SLC12A8: variants seen among roughly 807,000 people sequenced by gnomAD.
SLC12A8 encodes solute carrier family 12 member 8.
A neutral mutation model predicts 75.6 loss-of-function variants in SLC12A8; 69 were observed. That is an observed-to-expected ratio of 0.91 (90% confidence interval 0.75 to 1.11). The LOEUF (loss-of-function observed/expected upper bound fraction) is 1.11, where lower values mean the gene tolerates loss of function less well. Among genes scored for constraint, SLC12A8 ranks in the 50% most tolerant of loss-of-function variants. The pLI, the probability that SLC12A8 is intolerant of heterozygous loss-of-function variation, is 0.00. For synonymous variants in SLC12A8, 365 were observed against 372.8 expected (o/e 0.98, Z 0.24); for missense variants, 877 against 896.7 (o/e 0.98, Z 0.28).
intron 2 of SLC12A8, among the ~76,000 whole-genome samples, chr3:125,198,670 C>T (rs1336950159): frequency 6.6e-6 from 1 of 151,892 alleles, no homozygotes; most frequent in Non-Finnish European, 1.5e-5. Context: ...AACTAAGGGT[C>T]ATGTATGATC....
At position 125,165,845 on chromosome 3, in the gene SLC12A8, C is replaced by A. The variant is rs574709501; in HGVS notation, c.622+11898G>T. ...GCCAGCTGCGAGGCCCAGAGAGCAG[C>A]CAGAACATCCATGTGTTCCCTGCAT... On this transcript the variant is annotated intron_variant, in intron 5 of 13. Transcript: ENST00000469902. 1.8e-4 allele frequency among the ~76,000 whole-genome samples: 28 copies of A among 152,320 alleles called. No homozygotes were observed. The South Asian group carries it at 5.8e-3, about 32-fold the overall frequency.
rs748031942 is a variant in SLC12A8, at chr3:125,211,384, G to A, written c.-35C>T. The A allele has an allele frequency of 1.3e-6, 2 of 1,585,464 alleles. No individual in the cohort carries two copies. The highest frequency in any genetic ancestry group is 1.1e-5 in the South Asian group (1 of 90,548). ...AGCAGGGATCCTGGTGATCTGGACA[G>A]GGAGACTGCTCTGGAAGGTAACAGC... On this transcript the variant is annotated 5_prime_UTR_variant, in exon 2 of 14. Coordinates refer to ENST00000469902, the MANE Select transcript of SLC12A8 (RefSeq NM_024628.6).
rs60552957 is a variant in SLC12A8 at position 125,157,978 on chromosome 3, G to C, written c.622+19765C>G. On this transcript the variant is annotated intron_variant, in intron 5 of 13. Coordinates refer to ENST00000469902, the MANE Select transcript of SLC12A8 (RefSeq NM_024628.6). ...CTGATTAGAGTGGAGGAGAGAGGGA[G>C]ATCTAGGTGGGGAGGAGACAAAGAA... is the stretch of plus-strand genomic sequence containing the variant. Among the ~76,000 whole-genome samples, 2 of 152,014 alleles carry C rather than the reference G, an allele frequency of 1.3e-5. 1 individual carries two copies. The highest frequency in any genetic ancestry group is 2.9e-5 in the Non-Finnish European group (2 of 68,030).
chr3:125,110,723 A>G, intron 8 of SLC12A8: 1 of 164,260 alleles, frequency 6.1e-6, no homozygotes, highest in Non-Finnish European at 1.3e-5. Flanking sequence ...CACAATGCTC[A>G]TTGGCCTCTT....
chr3:125,155,625 G>GCCGGGTGTGGGAGCGGGCAC (rs538840861), intron 5 of SLC12A8, among the ~76,000 whole-genome samples: 1 of 119,586 alleles, frequency 8.4e-6, no homozygotes, highest in African/African-American at 3.0e-5. Flanking sequence ...CAAAAAAGTA[G>GCCGGGTGTGGGAGCGGGCAC]CTGTAGTCCC....
chr3:125,183,569 T>C (rs1934708991), intron 4 of SLC12A8, among the ~76,000 whole-genome samples: 1 of 152,184 alleles, frequency 6.6e-6, no homozygotes, highest in South Asian at 2.1e-4. Flanking sequence ...GTTAAAGAGT[T>C]GGTGGATTAA....
At chr3:125,143,647 G>T (rs528977605) in intron 5 of SLC12A8, among the ~76,000 whole-genome samples, 1 of 152,206 alleles carries the variant, frequency 6.6e-6, no homozygotes, top group Non-Finnish European at 1.5e-5. Flanking sequence ...GGGGAGTCCC[G>T]CCCAGCCTGC....
At chr3:125,098,511 G>A (rs1938775443) in intron 10 of SLC12A8, among the ~76,000 whole-genome samples, 1 of 146,386 alleles carries the variant, frequency 6.8e-6, no homozygotes. Context: ...TGAACCAGAG[G>A]GACTTCTAGC....
chr3:125,132,549 G>A (rs11719446), intron 6 of SLC12A8, among the ~76,000 whole-genome samples: 1 of 152,318 alleles, frequency 6.6e-6, no homozygotes, highest in South Asian at 2.1e-4. Context: ...ACTGGCATAA[G>A]CATTTGGCTG....
chr3:125,123,357 G>A (rs1205778303), intron 6 of SLC12A8, among the ~76,000 whole-genome samples: 2 of 123,490 alleles, frequency 1.6e-5, no homozygotes, highest in Admixed American at 9.7e-5. Flanking sequence ...CTGGGTGACA[G>A]AGATCCATCT....
intron 10 of SLC12A8, among the ~76,000 whole-genome samples, chr3:125,102,215 A>T (rs1268074553): frequency 6.6e-6 from 1 of 152,204 alleles, no homozygotes; most frequent in Non-Finnish European, 1.5e-5. Flanking sequence ...AAATGATGTC[A>T]GAGTTTTCCA....
chr3:125,175,711 C>A (rs1934511370), intron 5 of SLC12A8, among the ~76,000 whole-genome samples: 2 of 151,338 alleles, frequency 1.3e-5, no homozygotes, highest in Admixed American at 1.3e-4. Context: ...GCCAGCAAGT[C>A]TCCCTCCATA....
intron 6 of SLC12A8, among the ~76,000 whole-genome samples, chr3:125,124,334 A>AT (rs1162064184): frequency 2.5e-4 from 37 of 150,044 alleles, no homozygotes; most frequent in Middle Eastern, 3.4e-3. Context: ...GTTTGTTTGG[A>AT]TTTTTTTTTT....
chr3:125,127,100 C>T (rs1890407), intron 6 of SLC12A8, among the ~76,000 whole-genome samples: 19,208 of 152,170 alleles, frequency 0.13, 1,549 homozygotes, highest in Admixed American at 0.17. Flanking sequence ...GGGCTCTGCT[C>T]CTTACTCAGA....
chr3:125,193,873 T>C (rs1301859575), intron 2 of SLC12A8, among the ~76,000 whole-genome samples: 2 of 152,148 alleles, frequency 1.3e-5, no homozygotes, highest in African/African-American at 4.8e-5. Flanking sequence ...AGTTCCAGGC[T>C]CTCTTGTTAA....
At chr3:125,085,107 A>G (rs1437753588) in intron 13 of SLC12A8, among the ~76,000 whole-genome samples, 1 of 152,240 alleles carries the variant, frequency 6.6e-6, no homozygotes, top group Non-Finnish European at 1.5e-5. Context: ...GAGAACATGT[A>G]TAAATCATAT....
chr3:125,098,876 TG>T (rs1288317867), intron 10 of SLC12A8, among the ~76,000 whole-genome samples: 1 of 151,944 alleles, frequency 6.6e-6, no homozygotes, highest in African/African-American at 2.4e-5. Context: ...GAAAAATGAA[TG>T]GGGAAAATCC....
At chr3:125,135,812 GC>G in intron 5 of SLC12A8, 30 bp from the exon 6 acceptor site, 1 of 1,334,286 alleles carries the variant, frequency 7.5e-7, no homozygotes, top group Non-Finnish European at 1.1e-6. Flanking sequence ...AGCAACGTAA[GC>G]CCAGTGAGAA....
intron 4 of SLC12A8, among the ~76,000 whole-genome samples, chr3:125,180,273 C>A (rs1467259517): frequency 1.3e-5 from 2 of 152,122 alleles, no homozygotes; most frequent in Admixed American, 6.6e-5. Context: ...ATATCTAAGG[C>A]CAAATCCTGG....
Sources: gnomAD v4.1 joint callset for allele counts (sites outside exome capture counted in the v4.1 genomes callset) on GRCh38, gnomAD v4.1.1 for gene constraint, MANE v1.5 for transcripts, NCBI Gene and HGNC (gene_info 2026-07-23, HGNC 2026-07-21) for gene names.